The following KLHL1 variants were observed in gnomAD, a reference collection of about 807,000 sequenced individuals.
KLHL1 encodes the protein kelch like family member 1, also known as kelch-like protein 1.
Under a neutral mutation model 77.7 loss-of-function variants are expected in KLHL1, and 47 were observed. That is an observed-to-expected ratio of 0.60 (90% CI 0.48 to 0.77). The LOEUF (loss-of-function observed/expected upper bound fraction) is 0.77, where lower values mean the gene tolerates loss of function less well. Among genes scored for constraint, KLHL1 ranks in the 30% least tolerant of loss-of-function variants. KLHL1 has a pLI of 0.00. For synonymous variants in KLHL1, 360 were observed against 325.2 expected, an observed-to-expected ratio of 1.11 and a Z score of -1.15; for missense variants, 925 against 910.8, an observed-to-expected ratio of 1.02 and a Z score of -0.20.
rs569694608 is a variant in KLHL1 at position 70,046,165 on chromosome 13, A to T, written c.497+61038T>A. Among the ~76,000 whole-genome samples the T allele has an allele frequency of 4.3e-3, 648 of 152,272 alleles. 2 individuals are homozygous for T. Among genetic ancestry groups the T allele is most frequent in the Non-Finnish European group, 5.8e-3 (392 of 68,006 alleles). ...GGCAGAGGATACAACCAGTGAAAAG[A>T]CAGGCAAAGGACCAGTAACATTTCT... On this transcript the variant is annotated intron_variant, in intron 1 of 10. Transcript: ENST00000377844.
At chr13:69,916,402 A>G (rs1882437646) in intron 4 of KLHL1, among the ~76,000 whole-genome samples, 1 of 152,100 alleles carries the variant, frequency 6.6e-6, no homozygotes, top group South Asian at 2.1e-4. Flanking sequence ...ATGGAATACT[A>G]TGCAGCCATA....
chr13:69,794,731 A>G lies in KLHL1; in HGVS notation c.1639+2007T>C, dbSNP rs150168093. ...AGAAAGCAATTATAATGAATTACCA[A>G]GTAGGGATAGCAAGAATGTAAAAAA... On this transcript the variant is annotated intron_variant, in intron 7 of 10. Transcript: ENST00000377844. Among the ~76,000 whole-genome samples, 694 of 152,266 alleles carry G rather than the reference A, an allele frequency of 4.6e-3. 8 individuals are homozygous for G. The Middle Eastern group carries it at 0.051, about 11-fold the overall frequency.
chr13:69,777,197 A>G (rs1875875940), intron 7 of KLHL1, among the ~76,000 whole-genome samples: 1 of 151,962 alleles, frequency 6.6e-6, no homozygotes, highest in Non-Finnish European at 1.5e-5. Flanking sequence ...ACCTTCCACC[A>G]TGACTCTGAA....
At chr13:70,099,858 A>G (rs989904678) in intron 1 of KLHL1, among the ~76,000 whole-genome samples, 1 of 152,050 alleles carries the variant, frequency 6.6e-6, no homozygotes, top group African/African-American at 2.4e-5. Flanking sequence ...GTATTTCATT[A>G]TATGACTATT....
At chr13:70,027,017 C>A (rs1463754658) in intron 1 of KLHL1, among the ~76,000 whole-genome samples, 1 of 151,916 alleles carries the variant, frequency 6.6e-6, no homozygotes, top group African/African-American at 2.4e-5. Context: ...GAATTGTGAG[C>A]TTCAGGTGCA....
rs555253608 is a variant in KLHL1, at chr13:69,864,226, C to T, written c.1227+18057G>A. Among the ~76,000 whole-genome samples the T allele has an allele frequency of 4.2e-3, 645 of 152,036 alleles. 4 individuals carry two copies. Among genetic ancestry groups the T allele is most frequent in the Non-Finnish European group, 6.9e-3 (470 of 67,910 alleles). On this transcript the variant is annotated intron_variant, in intron 5 of 10. Transcript: ENST00000377844. ...CATAAAAAAGAGTAAAATGACTTCA[C>T]TTCTATTCTTCTATGAAGAATAATA...
chr13:69,953,083 T>C (rs1490742441), intron 3 of KLHL1, among the ~76,000 whole-genome samples: 2 of 151,348 alleles, frequency 1.3e-5, no homozygotes, highest in African/African-American at 2.4e-5. Context: ...GCATGGAAAG[T>C]TCTTGAAAAT....
chr13:70,023,988 C>G (rs529889970), intron 1 of KLHL1, among the ~76,000 whole-genome samples: 45 of 151,876 alleles, frequency 3.0e-4, no homozygotes, highest in African/African-American at 1.1e-3. Flanking sequence ...CCTCCTCAAG[C>G]ATTTTCTCTT....
intron 1 of KLHL1, among the ~76,000 whole-genome samples, chr13:70,026,260 C>A (rs187753632): frequency 2.0e-5 from 3 of 151,972 alleles, no homozygotes; most frequent in Non-Finnish European, 4.4e-5. Flanking sequence ...ATATTTATAA[C>A]TGATTTTTTT....
Position 69,967,485 on chromosome 13 carries a change from T to C in KLHL1, c.681-6041A>G, listed in dbSNP as rs148446732. On this transcript the variant is annotated intron_variant, in intron 2 of 10. Coordinates refer to ENST00000377844, the MANE Select transcript of KLHL1 (RefSeq NM_020866.3). The stretch of plus-strand genomic sequence containing the variant: ...AATGTCATGATCAAATTTGAATGGA[T>C]GAAGAGTTGCTTCTAATAGATGAGC... Among the ~76,000 whole-genome samples the C allele has an allele frequency of 3.3e-4, 50 of 152,298 alleles. No homozygotes were observed. The East Asian group carries it at 9.7e-3, about 29-fold the overall frequency.
Position 70,040,473 on chromosome 13 carries a change from A to G in KLHL1, c.498-64671T>C, listed in dbSNP as rs557370002. ...TCCAATATTTTAAAAAATTCTTCTT[A>G]TTCCATATAGAATTCTGGGATCACA... On this transcript the variant is annotated intron_variant, in intron 1 of 10. Coordinates refer to ENST00000377844, the MANE Select transcript of KLHL1 (RefSeq NM_020866.3). 3.3e-5 allele frequency among the ~76,000 whole-genome samples: 5 copies of G among 152,282 alleles called. No homozygotes were observed. The East Asian group carries it at 9.7e-4, about 29-fold the overall frequency.
chr13:69,802,453 T>A (rs181855775), intron 6 of KLHL1, among the ~76,000 whole-genome samples: 52 of 152,210 alleles, frequency 3.4e-4, no homozygotes, highest in Non-Finnish European at 6.0e-4. Flanking sequence ...TCATATTGTC[T>A]TATGCCCAAT....
intron 1 of KLHL1, among the ~76,000 whole-genome samples, chr13:70,010,782 C>CTA (rs1433486505): frequency 2.0e-5 from 3 of 151,894 alleles, no homozygotes; most frequent in Admixed American, 1.3e-4. Flanking sequence ...ATCCCAGCTA[C>CTA]TAGGGAGGCT....
chr13:70,025,294 A>G (rs567757809), intron 1 of KLHL1, among the ~76,000 whole-genome samples: 1 of 152,178 alleles, frequency 6.6e-6, no homozygotes, highest in Admixed American at 6.6e-5. Flanking sequence ...CTACTTAACC[A>G]AAACATAGGC....
chr13:70,084,092 A>G (rs1273249813), intron 1 of KLHL1, among the ~76,000 whole-genome samples: 1 of 152,186 alleles, frequency 6.6e-6, no homozygotes, highest in Non-Finnish European at 1.5e-5. Flanking sequence ...ATTAAAGTAG[A>G]TTTTAATGCA....
chr13:70,032,947 C>T (rs1886141511), intron 1 of KLHL1, among the ~76,000 whole-genome samples: 1 of 152,036 alleles, frequency 6.6e-6, no homozygotes, highest in Admixed American at 6.6e-5. Flanking sequence ...AATTGCAGCT[C>T]TTAGTTTTTG....
chr13:69,882,213 T>C, intron 5 of KLHL1, 70 bp downstream of exon 5: 1 of 1,046,110 alleles, frequency 9.6e-7, no homozygotes, highest in South Asian at 1.4e-5. Flanking sequence ...AAAATGTGTT[T>C]TGATGTTTAC....
intron 7 of KLHL1, among the ~76,000 whole-genome samples, chr13:69,773,352 A>G (rs1359152923): frequency 6.6e-6 from 1 of 152,074 alleles, no homozygotes; most frequent in East Asian, 1.9e-4. Context: ...CTGATCAAGC[A>G]TCAGTACTCT....
chr13:69,890,146 G>T (rs1173603116), intron 4 of KLHL1, among the ~76,000 whole-genome samples: 1 of 152,074 alleles, frequency 6.6e-6, no homozygotes, highest in East Asian at 1.9e-4. Flanking sequence ...TTTATAATAA[G>T]AAGAAAAATT....
Sources: allele counts gnomAD v4.1 joint callset (sites outside exome capture counted in the v4.1 genomes callset), GRCh38; gene constraint gnomAD v4.1.1; transcripts MANE v1.5; gene names NCBI Gene and HGNC (gene_info 2026-07-23, HGNC 2026-07-21).